LGI1: variants seen among roughly 807,000 people sequenced by gnomAD.
LGI1 encodes leucine-rich glioma-inactivated protein 1.
A neutral mutation model predicts 57.7 loss-of-function variants in LGI1; 11 were observed. That is an observed-to-expected ratio of 0.19 (90% CI 0.12 to 0.32). LGI1 has a LOEUF of 0.32. Among genes scored for constraint, LGI1 ranks in the 10% least tolerant of loss-of-function variants. The pLI is 1.00. For missense variants in LGI1, 422 were observed against 661.9 expected, an observed-to-expected ratio of 0.64 and a Z score of 3.98; for synonymous variants, 222 against 241.9, an observed-to-expected ratio of 0.92 and a Z score of 0.76.
chr10:93,779,780 A>C (rs1332059990), intron 4 of LGI1, among the ~76,000 whole-genome samples: 1 of 152,218 alleles, frequency 6.6e-6, no homozygotes, highest in East Asian at 1.9e-4. Flanking sequence ...GGCAGCCTTC[A>C]AAGAGAGGCA....
At chr10:93,766,223 G>C (rs889680859) in intron 2 of LGI1, among the ~76,000 whole-genome samples, 38 of 152,074 alleles carry the variant, frequency 2.5e-4, no homozygotes, top group African/African-American at 8.2e-4. Context: ...AAAATTGTTA[G>C]GCCCATTTTT....
chr10:93,793,815 A>C (rs2059955858), intron 7 of LGI1: 1 of 162,450 alleles, frequency 6.2e-6, no homozygotes, highest in Non-Finnish European at 1.4e-5. Flanking sequence ...CGTGTCTTCT[A>C]CAAAATGTTA....
At chr10:93,779,441 G>A (rs1160513703) in intron 4 of LGI1, among the ~76,000 whole-genome samples, 1 of 143,280 alleles carries the variant, frequency 7.0e-6, no homozygotes, top group East Asian at 2.1e-4. Context: ...AGGGAGGGAG[G>A]GGAGGGGAGG....
intron 2 of LGI1, chr10:93,759,182 G>GA (rs2059596978): frequency 3.0e-6 from 1 of 336,456 alleles, no homozygotes; most frequent in African/African-American, 2.2e-5. Context: ...AGTCAATACA[G>GA]AACCCAGCAT....
At chr10:93,787,351 AG>A (rs1171745248) in intron 4 of LGI1, among the ~76,000 whole-genome samples, 1 of 152,128 alleles carries the variant, frequency 6.6e-6, no homozygotes. Context: ...CTGTCACAAG[AG>A]GTTCTCAGGA....
intron 4 of LGI1, among the ~76,000 whole-genome samples, chr10:93,779,496 G>A (rs1233374297): frequency 1.3e-5 from 2 of 148,918 alleles, no homozygotes; most frequent in African/African-American, 2.5e-5. Flanking sequence ...GAGGGAGGGA[G>A]AAAGAAAAAG....
chr10:93,781,931 AGGGGGTACAAAGGAC>A (rs2059850982), intron 4 of LGI1, among the ~76,000 whole-genome samples: 1 of 152,200 alleles, frequency 6.6e-6, no homozygotes, highest in Non-Finnish European at 1.5e-5. Context: ...CTCAGCACTG[AGGGGGTACAAAGGAC>A]TATATAACAG....
Position 93,798,104 on chromosome 10 carries a change from T to G in LGI1, c.*301T>G, listed in dbSNP as rs1294631729. On this transcript the variant is annotated 3_prime_UTR_variant, in exon 8 of 8. Coordinates refer to ENST00000371418, the MANE Select transcript of LGI1 (RefSeq NM_005097.4). Reference sequence around the variant, plus strand: ...ATATTAATATGTACTTTTCCATTTATTTATTCATGTGTACAGAAACAACTG... The same window carrying G: ...ATATTAATATGTACTTTTCCATTTAGTTATTCATGTGTACAGAAACAACTG... 2.6e-6 allele frequency: 1 copy of G among 389,988 alleles called. No individual in the cohort carries two copies. Among genetic ancestry groups the G allele is most frequent in the African/African-American group, 2.0e-5 (1 of 49,030 alleles). 24.2% of individuals were successfully genotyped at this position (389,988 alleles called of 1,614,324 possible). A position where few individuals can be genotyped will look rare whatever the true frequency, so the allele number is the denominator to read the frequency against.
intron 4 of LGI1, among the ~76,000 whole-genome samples, chr10:93,778,374 C>T (rs28470744): frequency 0.035 from 5,210 of 147,544 alleles, 318 homozygotes; most frequent in African/African-American, 0.12. Flanking sequence ...CACACACACA[C>T]ACACACACAG....
At chr10:93,768,187 T>C (rs2059698814) in intron 2 of LGI1, 1 of 152,078 alleles carries the variant, frequency 6.6e-6, no homozygotes, top group Non-Finnish European at 1.5e-5. Context: ...GGGAATACAC[T>C]CTGGGAAATT....
Position 93,797,656 on chromosome 10 carries a change from C to T in LGI1, c.1527C>T (p.Ala509=), listed in dbSNP as rs372810679. The change falls in exon 8 of 8, where the codon GCC becomes GCT. Residue 509 remains alanine, a synonymous_variant. Coordinates refer to ENST00000371418, the MANE Select transcript of LGI1 (RefSeq NM_005097.4). The surrounding 1 kb of genome is among the most constrained non-coding windows in gnomAD (Gnocchi z 6.5). ...TQVYNWDAEK[A]KFVKFQELNV... ...TGTATAACTGGGATGCAGAGAAAGC[C>T]AAATTTGTGAAATTTCAGGAATTAA... 3.1e-6 allele frequency: 5 copies of T among 1,613,884 alleles called. No homozygotes were observed. In the African/African-American group the frequency reaches 6.7e-5, roughly 22 times the overall value.
At chr10:93,793,080 C>A (rs1346398333) in intron 6 of LGI1, 106 bp from the exon 7 acceptor site, 1 of 1,182,596 alleles carries the variant, frequency 8.5e-7, no homozygotes, top group Non-Finnish European at 1.2e-6. Context: ...AGTAAAATGG[C>A]CATTTTACTA....
At chr10:93,782,486 C>T (rs1327712280) in intron 4 of LGI1, among the ~76,000 whole-genome samples, 1 of 152,106 alleles carries the variant, frequency 6.6e-6, no homozygotes, top group Non-Finnish European at 1.5e-5. Context: ...AAACTCACTG[C>T]CCAACCTCCA....
At chr10:93,777,267 A>G in intron 2 of LGI1, 112 bp from the exon 3 acceptor site, 2 of 887,058 alleles carry the variant, frequency 2.3e-6, no homozygotes, top group South Asian at 1.4e-5. Flanking sequence ...GCAGACAGCC[A>G]TGCAGACATT....
At chr10:93,772,333 C>T (rs1331806500) in intron 2 of LGI1, among the ~76,000 whole-genome samples, 1 of 152,026 alleles carries the variant, frequency 6.6e-6, no homozygotes, top group Non-Finnish European at 1.5e-5. Context: ...ATTTAAAAAC[C>T]TTCTATAATC....
rs115343738 is a variant in LGI1 at position 93,759,597 on chromosome 10, G to T, written c.287+766G>T. On this transcript the variant is annotated intron_variant, in intron 2 of 7. Transcript: ENST00000371418. ...TAGTCCTTACAGCGGTATCACATGG[G>T]GGTCAAGAGGTCTCCCAGGACTCAG... Among the ~76,000 whole-genome samples the T allele has an allele frequency of 5.1e-3, 771 of 152,256 alleles. 6 individuals are homozygous for T. The highest frequency in any genetic ancestry group is 0.018 in the African/African-American group (737 of 41,542).
At chr10:93,790,043 T>G in intron 4 of LGI1, 56 bp from the exon 5 acceptor site, 1 of 1,492,556 alleles carries the variant, frequency 6.7e-7, no homozygotes, top group Non-Finnish European at 9.1e-7. Context: ...TATCATTAAA[T>G]GCCTTTGTTT....
Position 93,758,004 on chromosome 10 carries a change from T to G in LGI1, c.-141T>G. The G allele has an allele frequency of 1.3e-6, 1 of 752,884 alleles. No individual in the cohort carries two copies. The highest frequency in any genetic ancestry group is 2.0e-5 in the Admixed American group (1 of 49,454). 46.6% of individuals were successfully genotyped at this position (752,884 alleles called of 1,614,324 possible). On this transcript the variant is annotated 5_prime_UTR_variant, in exon 1 of 8. Coordinates refer to ENST00000371418, the MANE Select transcript of LGI1 (RefSeq NM_005097.4). The surrounding 1 kb of genome is among the most constrained non-coding windows in gnomAD (Gnocchi z 4.7). ...AGCGAGGAGAAGCTCACGAATCAGCTGCAGGTCTCTGTTTTGAAAAAGCAG... is the reference window on the plus strand; with the variant it reads ...AGCGAGGAGAAGCTCACGAATCAGCGGCAGGTCTCTGTTTTGAAAAAGCAG...
intron 7 of LGI1, among the ~76,000 whole-genome samples, chr10:93,796,424 G>T (rs748113128): frequency 6.6e-6 from 1 of 152,148 alleles, no homozygotes; most frequent in Non-Finnish European, 1.5e-5. Context: ...CTTGTCCCCA[G>T]CTTGGGTTAA....
Sources: allele counts gnomAD v4.1 joint callset (sites outside exome capture counted in the v4.1 genomes callset), GRCh38; gene constraint gnomAD v4.1.1; non-coding constraint Gnocchi (gnomAD v3.1); transcripts MANE v1.5; gene names NCBI Gene and HGNC (gene_info 2026-07-23, HGNC 2026-07-21).